The following DPP10 variants were observed in gnomAD, a reference collection of about 807,000 sequenced individuals.
The protein encoded by DPP10 is inactive dipeptidyl peptidase 10.
In DPP10, 33 loss-of-function variants were observed where a neutral mutation model predicts 120.9. The observed-to-expected ratio is 0.27, with a 90% CI of 0.21 to 0.37. The LOEUF is 0.37. Ranked by LOEUF, DPP10 falls within the 10% of genes least tolerant of loss-of-function variation. The probability of loss-of-function intolerance (pLI) is 1.00; values close to 1 mark genes in which losing one functional copy is unlikely to be tolerated. For synonymous variants in DPP10, 337 were observed against 326.1 expected (o/e 1.03, Z -0.36); for missense variants, 816 against 942.8 (o/e 0.87, Z 1.76).
chr2:114,826,612 C>A (rs891148651), intron 1 of DPP10, among the ~76,000 whole-genome samples: 5 of 152,154 alleles, frequency 3.3e-5, no homozygotes, highest in African/African-American at 1.2e-4. Context: ...CTCCCTGCAA[C>A]CTCCGCCTCC....
chr2:114,512,408 C>A (rs1270971623), intron 1 of DPP10, among the ~76,000 whole-genome samples: 1 of 152,182 alleles, frequency 6.6e-6, no homozygotes, highest in African/African-American at 2.4e-5. Flanking sequence ...ATTTGTCTCA[C>A]AAACTTGGTG....
At chr2:115,093,242 C>A (rs1709428612) in intron 1 of DPP10, among the ~76,000 whole-genome samples, 1 of 152,042 alleles carries the variant, frequency 6.6e-6, no homozygotes, top group Non-Finnish European at 1.5e-5. Context: ...AATATGAGTG[C>A]TCCTGTTGAA....
At chr2:115,770,147 CA>C (rs1681282237) in intron 13 of DPP10, among the ~76,000 whole-genome samples, 1 of 151,910 alleles carries the variant, frequency 6.6e-6, no homozygotes, top group South Asian at 2.1e-4. Context: ...TTTTTGTATC[CA>C]TTATTCAACA....
chr2:115,270,119 CACACACAA>C (rs1444080989), intron 1 of DPP10, among the ~76,000 whole-genome samples: 10 of 144,060 alleles, frequency 6.9e-5, no homozygotes, highest in African/African-American at 2.3e-4. Context: ...CACACAGACA[CACACACAA>C]ACACTTATTT....
At chr2:115,157,464 GA>G (rs1242222332) in intron 1 of DPP10, among the ~76,000 whole-genome samples, 1 of 152,240 alleles carries the variant, frequency 6.6e-6, no homozygotes, top group South Asian at 2.1e-4. Context: ...AACTGATACT[GA>G]AAGAAACTCA....
chr2:115,087,217 C>A (rs1157342896), intron 1 of DPP10, among the ~76,000 whole-genome samples: 1 of 152,146 alleles, frequency 6.6e-6, no homozygotes, highest in Non-Finnish European at 1.5e-5. Flanking sequence ...ACTGAAACAC[C>A]TAGCTGAGTA....
At chr2:115,678,115 A>G (rs1575504636) in intron 5 of DPP10, among the ~76,000 whole-genome samples, 1 of 152,252 alleles carries the variant, frequency 6.6e-6, no homozygotes, top group African/African-American at 2.4e-5. Flanking sequence ...TGATGATGCA[A>G]TAGAAAAGAA....
intron 1 of DPP10, among the ~76,000 whole-genome samples, chr2:114,542,927 G>A (rs1484325250): frequency 1.3e-5 from 2 of 152,070 alleles, no homozygotes; most frequent in African/African-American, 4.8e-5. Flanking sequence ...CCCCAATCAT[G>A]CCTGAAACCT....
chr2:114,643,983 G>T (rs1451304229), intron 1 of DPP10, among the ~76,000 whole-genome samples: 2 of 144,776 alleles, frequency 1.4e-5, no homozygotes, highest in African/African-American at 5.2e-5. Context: ...CATCCAGGCT[G>T]GAGTGCAGTG....
In DPP10 at chr2:115,515,691, A is replaced by C. The variant is rs181274517; in HGVS notation, c.367-10207A>C. Among the ~76,000 whole-genome samples the C allele has an allele frequency of 3.5e-3, 531 of 152,204 alleles. 2 individuals are homozygous for C. Among genetic ancestry groups the C allele is most frequent in the African/African-American group, 0.012 (494 of 41,558 alleles). ...TATCTTAATAAACCTTTATCTGTTG[A>C]AACTGGCCTGAAAGAAGAAATGAAT... On this transcript the variant is annotated intron_variant, in intron 4 of 25. Transcript: ENST00000410059.
chr2:115,236,409 A>G (rs1258682349), intron 1 of DPP10, among the ~76,000 whole-genome samples: 1 of 152,192 alleles, frequency 6.6e-6, no homozygotes, highest in Non-Finnish European at 1.5e-5. Context: ...TTGTTTATTA[A>G]TAATAACAGG....
chr2:115,683,559 G>A (rs2090794893), intron 5 of DPP10, among the ~76,000 whole-genome samples: 2 of 151,850 alleles, frequency 1.3e-5, no homozygotes, highest in African/African-American at 4.8e-5. Flanking sequence ...CTCTGGTAGG[G>A]GATATTGATA....
intron 3 of DPP10, among the ~76,000 whole-genome samples, chr2:115,356,561 AT>A (rs1559476939): frequency 1.3e-5 from 2 of 152,046 alleles, no homozygotes; most frequent in Non-Finnish European, 2.9e-5. Context: ...CTCTTGCCTG[AT>A]TGCCCTGGCC....
At chr2:115,827,339 G>GTATATGTATATGTATATA (rs1449508519) in intron 21 of DPP10, among the ~76,000 whole-genome samples, 1 of 142,152 alleles carries the variant, frequency 7.0e-6, no homozygotes, top group Non-Finnish European at 1.5e-5. Context: ...ATATGTATAT[G>GTATATGTATATGTATATA]TATATATATG....
intron 1 of DPP10, among the ~76,000 whole-genome samples, chr2:114,976,640 C>G (rs1395313986): frequency 6.6e-6 from 1 of 152,158 alleles, no homozygotes; most frequent in Non-Finnish European, 1.5e-5. Context: ...AGTTTGAAAA[C>G]AGCATACTTT....
intron 3 of DPP10, among the ~76,000 whole-genome samples, chr2:115,358,975 A>G (rs1347532163): frequency 6.6e-6 from 1 of 152,198 alleles, no homozygotes; most frequent in Non-Finnish European, 1.5e-5. Context: ...CTCCCGTGGC[A>G]CATGGAGATT....
chr2:115,525,835 T>C, intron 4 of DPP10, 63 bp from the exon 5 acceptor site: 1 of 1,259,540 alleles, frequency 7.9e-7, no homozygotes, highest in Non-Finnish European at 1.1e-6. Context: ...TTTTTTACAT[T>C]TATACATCCA....
At chr2:115,518,097 T>C (rs1416525208) in intron 4 of DPP10, among the ~76,000 whole-genome samples, 1 of 152,134 alleles carries the variant, frequency 6.6e-6, no homozygotes, top group Non-Finnish European at 1.5e-5. Context: ...TGAGAACTAA[T>C]AGAGTAAGAA....
intron 1 of DPP10, among the ~76,000 whole-genome samples, chr2:114,702,426 G>A (rs1048079606): frequency 2.6e-5 from 4 of 151,966 alleles, no homozygotes; most frequent in African/African-American, 9.7e-5. Context: ...GCATCTGCCT[G>A]GTCCACTGGT....
Sources: gnomAD v4.1 joint callset for allele counts (sites outside exome capture counted in the v4.1 genomes callset) on GRCh38, gnomAD v4.1.1 for gene constraint, MANE v1.5 for transcripts, NCBI Gene and HGNC (gene_info 2026-07-23, HGNC 2026-07-21) for gene names.